ZNF608: variants seen among roughly 807,000 people sequenced by gnomAD.
ZNF608 encodes the protein renal carcinoma antigen NY-REN-36.
ZNF608 carries 12 observed loss-of-function variants against 109.0 expected under a neutral mutation model. The observed-to-expected ratio is 0.11, with a 90% CI of 0.07 to 0.18. The LOEUF (loss-of-function observed/expected upper bound fraction) is 0.18, where lower values mean the gene tolerates loss of function less well. ZNF608 is among the 10% of genes least tolerant of loss of function. The pLI, the probability that ZNF608 is intolerant of heterozygous loss-of-function variation, is 1.00. For missense variants in ZNF608, 1,707 were observed against 1,879.3 expected (o/e 0.91, Z 1.70); for synonymous variants, 732 against 717.4 (o/e 1.02, Z -0.33).
In ZNF608 at chr5:124,744,418, T is replaced by C. The variant is rs762845461; in HGVS notation, c.572A>G (p.Lys191Arg). The change falls in exon 2 of 10, where the codon AAG becomes AGG. Residue 191 changes from lysine (K) to arginine (R), a missense_variant. Lys to Arg is a conservative substitution (Grantham distance 26). Around this residue, in one of 7 missense-constraint regions of ZNF608, gnomAD observed 407 missense variants for 398.7 expected, o/e 1.02. Transcript: ENST00000513986. This position sits in a 1 kb window ranked among gnomAD's most constrained non-coding sequence, Gnocchi z 4.5. ...AGSCGKSKEE[K>R]PGKSQSSRGA... is the part of the protein sequence containing the mutation. ...TCGGCTGCTCTGGCTTTTACCTGGC[T>C]TCTCCTCTTTGCTTTTCCCACAGGA... 6.2e-7 allele frequency: 1 copy of C among 1,614,146 alleles called. No homozygotes were observed. Among genetic ancestry groups the C allele is most frequent in the African/African-American group, 1.3e-5 (1 of 74,958 alleles).
intron 4 of ZNF608, among the ~76,000 whole-genome samples, 192 bp downstream of exon 4, chr5:124,649,418 G>A (rs2149791418): frequency 6.6e-6 from 1 of 152,354 alleles, no homozygotes; most frequent in East Asian, 1.9e-4. Flanking sequence ...GAGAGAAGGG[G>A]TGGGGAGCAG....
chr5:124,646,621 G>A, intron 5 of ZNF608, 58 bp downstream of exon 5: 1 of 1,551,406 alleles, frequency 6.4e-7, no homozygotes, highest in Non-Finnish European at 8.7e-7. Context: ...GCCCAGACAT[G>A]TATAATACAA....
rs112309893 is a variant in ZNF608 at position 124,717,790 on chromosome 5, T to C, written c.907-16521A>G. Among the ~76,000 whole-genome samples, 424 of 152,282 alleles carry C rather than the reference T, an allele frequency of 2.8e-3. 2 individuals carry two copies. The highest frequency in any genetic ancestry group is 0.01 in the African/African-American group (417 of 41,558). ...AAGTTCTCAAAGCCCACCATGTGCA[T>C]GCGACATGCAACCTGGTTTCATCTC... On this transcript the variant is annotated intron_variant, in intron 2 of 9. Transcript: ENST00000513986.
chr5:124,707,694 A>G (rs1231702700), intron 2 of ZNF608: 1 of 152,184 alleles, frequency 6.6e-6, no homozygotes, highest in Non-Finnish European at 1.5e-5. Flanking sequence ...AGAGGCGACC[A>G]CTGCTGCAGT....
chr5:124,681,800 A>G (rs577371157), intron 3 of ZNF608, among the ~76,000 whole-genome samples: 1 of 152,330 alleles, frequency 6.6e-6, no homozygotes, highest in Non-Finnish European at 1.5e-5. Flanking sequence ...GAATACTGGA[A>G]ACAAAGAAAA....
intron 3 of ZNF608, among the ~76,000 whole-genome samples, chr5:124,671,148 G>A (rs768903309): frequency 6.6e-6 from 1 of 152,202 alleles, no homozygotes; most frequent in Admixed American, 6.5e-5. Flanking sequence ...CTGTGGGCTT[G>A]AGGGAATAAA....
At chr5:124,664,947 G>A (rs1751414486) in intron 3 of ZNF608, among the ~76,000 whole-genome samples, 1 of 152,062 alleles carries the variant, frequency 6.6e-6, no homozygotes, top group African/African-American at 2.4e-5. Context: ...AGGCTGAGGT[G>A]GATGGATCAC....
In ZNF608 at chr5:124,647,223, T is replaced by C; in HGVS notation, c.3161A>G (p.His1054Arg). The change falls in exon 5 of 10, where the codon CAC (histidine) becomes CGC (arginine). Residue 1054 changes from histidine (H) to arginine (R), a missense_variant. This residue lies in a region of ZNF608 where 1,073 missense variants were observed against 1,133.5 expected (regional missense o/e 0.95). Coordinates refer to ENST00000513986, the MANE Select transcript of ZNF608 (RefSeq NM_020747.3). ...CTGAGGCTGTAAGGATGCAGAATTG[T>C]GGTCCACTTTCTTAGAATCTAACTG... is the stretch of plus-strand genomic sequence containing the variant. ...AEQLDSKKVD[H>R]NSASLQPQHQ... 2 of 1,614,228 alleles carry C rather than the reference T, an allele frequency of 1.2e-6. No homozygotes were observed. The highest frequency in any genetic ancestry group is 1.7e-6 in the Non-Finnish European group (2 of 1,180,042).
chr5:124,657,451 G>C (rs1347566060), intron 3 of ZNF608, among the ~76,000 whole-genome samples: 2 of 152,086 alleles, frequency 1.3e-5, no homozygotes, highest in Non-Finnish European at 2.9e-5. Context: ...CACGAGGTCA[G>C]GAGATCGAGA....
chr5:124,661,227 A>G (rs1751243996), intron 3 of ZNF608, among the ~76,000 whole-genome samples: 1 of 152,234 alleles, frequency 6.6e-6, no homozygotes, highest in South Asian at 2.1e-4. Flanking sequence ...ACCTCATTTC[A>G]TGTTTTCAGG....
At chr5:124,710,738 T>G (rs537593146) in intron 2 of ZNF608, 29 of 153,680 alleles carry the variant, frequency 1.9e-4, no homozygotes, top group African/African-American at 7.0e-4. Flanking sequence ...GTTTTGAAAA[T>G]GTGATTTCAT....
intron 3 of ZNF608, among the ~76,000 whole-genome samples, chr5:124,667,365 G>C (rs991849692): frequency 6.6e-6 from 1 of 152,202 alleles, no homozygotes; most frequent in Non-Finnish European, 1.5e-5. Flanking sequence ...AGCTGCTTCT[G>C]ATAATCAGTG....
chr5:124,643,427 T>C (rs777832039), intron 7 of ZNF608, 84 bp downstream of exon 7: 12 of 1,380,342 alleles, frequency 8.7e-6, no homozygotes, highest in Non-Finnish European at 1.1e-5. Context: ...TCCGAAACCA[T>C]TTATATTTCA....
intron 2 of ZNF608, among the ~76,000 whole-genome samples, chr5:124,730,385 T>C (rs1448322382): frequency 6.6e-6 from 1 of 152,250 alleles, no homozygotes; most frequent in Non-Finnish European, 1.5e-5. Flanking sequence ...GATTTCGTGT[T>C]GTCATCCAAT....
intron 1 of ZNF608, 85 bp from the exon 2 acceptor site, chr5:124,745,257 G>T: frequency 8.2e-7 from 1 of 1,222,334 alleles, no homozygotes; most frequent in Non-Finnish European, 1.0e-6. Flanking sequence ...AATCAGTAAA[G>T]GGGACAGGGA....
intron 3 of ZNF608, among the ~76,000 whole-genome samples, chr5:124,671,641 CTTTTTTT>C (rs66998925): frequency 7.7e-6 from 1 of 129,758 alleles, no homozygotes; most frequent in Non-Finnish European, 1.6e-5. Context: ...TGGGGCTTCT[CTTTTTTT>C]TTTTTTTTTT....
chr5:124,641,526 A>G (rs1750239430), intron 7 of ZNF608, 121 bp from the exon 8 acceptor site: 1 of 1,100,908 alleles, frequency 9.1e-7, no homozygotes, highest in South Asian at 1.9e-5. Context: ...ATATAAAGAT[A>G]CAATTCTTTA....
chr5:124,721,023 C>T (rs1003844276), intron 2 of ZNF608, among the ~76,000 whole-genome samples: 2 of 152,092 alleles, frequency 1.3e-5, no homozygotes, highest in Non-Finnish European at 2.9e-5. Context: ...CAAAAATCTG[C>T]CTAATGCAGA....
Position 124,701,060 on chromosome 5 carries a change from C to T in ZNF608, c.1116G>A (p.Gly372=). The change falls in exon 3 of 10, where the codon GGG becomes GGA. Residue 372 remains glycine (G), a synonymous_variant. Coordinates refer to ENST00000513986, the MANE Select transcript of ZNF608 (RefSeq NM_020747.3). The stretch of plus-strand genomic sequence containing the variant: ...CGATCCCTTCCAAATTCACACTGGT[C>T]CCAGGTTCACAGGGCCCAAGACACT... ...EPECLGPCEP[G]TSVNLEGIVW... 6.2e-7 allele frequency: 1 copy of T among 1,614,130 alleles called. No individual in the cohort carries two copies. The highest frequency in any genetic ancestry group is 1.1e-5 in the South Asian group (1 of 91,080).
Sources: allele counts gnomAD v4.1 joint callset (sites outside exome capture counted in the v4.1 genomes callset), GRCh38; gene constraint gnomAD v4.1.1; regional missense constraint gnomAD v4.1.1; non-coding constraint Gnocchi (gnomAD v3.1); transcripts MANE v1.5; gene names NCBI Gene and HGNC (gene_info 2026-07-23, HGNC 2026-07-21).